UGT1A9: variants seen among roughly 807,000 people sequenced by gnomAD.
UGT1A9 encodes UDP glucuronosyltransferase family 1 member A9.
UGT1A9 carries 35 observed loss-of-function variants against 45.0 expected under a neutral mutation model. That is an observed-to-expected ratio of 0.78 (90% CI 0.59 to 1.03). The LOEUF is 1.03. Among genes scored for constraint, UGT1A9 ranks in the 50% least tolerant of loss-of-function variants. The probability of loss-of-function intolerance (pLI) is 0.00; values close to 1 mark genes in which losing one functional copy is unlikely to be tolerated. For missense variants in UGT1A9, 687 were observed against 666.6 expected (o/e 1.03, Z -0.34); for synonymous variants, 278 against 250.6 (o/e 1.11, Z -1.03).
intron 1 of UGT1A9, chr2:233,747,431 A>C (rs184446696): frequency 1.0e-4 from 161 of 1,608,566 alleles, no homozygotes; most frequent in Middle Eastern, 1.7e-4. Flanking sequence ...AACAAGAGAA[A>C]TTTTTCACCC....
chr2:233,688,543 A>G (rs1256086932), intron 1 of UGT1A9, among the ~76,000 whole-genome samples: 1 of 152,132 alleles, frequency 6.6e-6, no homozygotes, highest in Admixed American at 6.5e-5. Context: ...CTTACATCAC[A>G]TGGTCTCTAA....
At chr2:233,717,980 G>A (rs1360094049) in intron 1 of UGT1A9, 3 of 443,956 alleles carry the variant, frequency 6.8e-6, no homozygotes, top group African/African-American at 6.1e-5. Context: ...TTCAGAAGAG[G>A]AATTCAGACT....
intron 1 of UGT1A9, among the ~76,000 whole-genome samples, chr2:233,697,182 A>G (rs1179820208): frequency 6.6e-6 from 1 of 152,120 alleles, no homozygotes; most frequent in Non-Finnish European, 1.5e-5. Flanking sequence ...TGGTTGGTAG[A>G]ATTCAGCAGT....
At chr2:233,743,483 T>A in intron 1 of UGT1A9, 1 of 1,367,128 alleles carries the variant, frequency 7.3e-7, no homozygotes, top group Non-Finnish European at 9.8e-7. Flanking sequence ...GGAAATTCAC[T>A]GAAGGCAGAG....
chr2:233,742,906 T>G (rs1484146320), intron 1 of UGT1A9: 79 of 166,834 alleles, frequency 4.7e-4, no homozygotes, highest in Non-Finnish European at 5.6e-4. Context: ...AAAAAGGTAA[T>G]GCTCAAAGTG....
intron 1 of UGT1A9, chr2:233,713,679 C>T (rs756343791): frequency 6.2e-7 from 1 of 1,613,972 alleles, no homozygotes; most frequent in Non-Finnish European, 8.5e-7. Flanking sequence ...TGTTTCTGCT[C>T]CTTATGCAAG....
rs1254304358 is a variant in UGT1A9 at position 233,743,239 on chromosome 2, C to G, written c.856-23795C>G. The stretch of plus-strand genomic sequence containing the variant: ...GCTCTTTGCTATTTATTATGAAGGA[C>G]TTTAACTCAACTCTCCATCTTCCTC... On this transcript the variant is annotated intron_variant, in intron 1 of 4. Coordinates refer to ENST00000354728, the MANE Select transcript of UGT1A9 (RefSeq NM_021027.3). The G allele has an allele frequency of 1.4e-5, 6 of 424,156 alleles. No individual in the cohort carries two copies. The East Asian group carries it at 4.3e-4, about 30-fold the overall frequency. 26.3% of individuals were successfully genotyped at this position (424,156 alleles called of 1,614,324 possible).
chr2:233,716,449 C>T (rs2125648185), intron 1 of UGT1A9, among the ~76,000 whole-genome samples: 1 of 152,152 alleles, frequency 6.6e-6, no homozygotes, highest in Admixed American at 6.5e-5. Context: ...TTCATTTGGC[C>T]ATTTAAATTT....
At position 233,714,001 on chromosome 2, in the gene UGT1A9, G is replaced by A. The variant is rs1295021780; in HGVS notation, c.855+41212G>A. 4.5e-6 allele frequency: 7 copies of A among 1,551,344 alleles called. No homozygotes were observed. The African/African-American group carries it at 5.5e-5, about 12-fold the overall frequency. On this transcript the variant is annotated intron_variant, in intron 1 of 4. Coordinates refer to ENST00000354728, the MANE Select transcript of UGT1A9 (RefSeq NM_021027.3). ...TCATTGTTGTAATAGTCTTCAGTGA[G>A]ATAAACTTTTAAAGGGTCAATGGTA...
chr2:233,767,214 T>A (rs1420134896), intron 2 of UGT1A9, 49 bp downstream of exon 2: 25 of 1,612,300 alleles, frequency 1.6e-5, no homozygotes, highest in Non-Finnish European at 2.1e-5. Flanking sequence ...ACAGGAGCGC[T>A]AATCCCAGAC....
rs181518181 is a variant in UGT1A9 at position 233,744,372 on chromosome 2, A to G, written c.856-22662A>G. ...AAGACATCCTGTTGTTTAGGACTGC[A>G]GTTCTCCAACGTTCCAGCCCCGGTG... On this transcript the variant is annotated intron_variant, in intron 1 of 4. Transcript: ENST00000354728. Among the ~76,000 whole-genome samples the G allele has an allele frequency of 2.4e-4, 37 of 152,006 alleles. 1 individual carries two copies. Among genetic ancestry groups the G allele is most frequent in the South Asian group, 4.1e-4 (2 of 4,828 alleles).
At chr2:233,676,103 T>A (rs2074345974) in intron 1 of UGT1A9, among the ~76,000 whole-genome samples, 1 of 152,154 alleles carries the variant, frequency 6.6e-6, no homozygotes. Flanking sequence ...GAAAGAATAG[T>A]CTTTTCAACA....
intron 1 of UGT1A9, among the ~76,000 whole-genome samples, chr2:233,705,160 G>A (rs111652799): frequency 2.0e-5 from 3 of 151,646 alleles, no homozygotes; most frequent in African/African-American, 7.3e-5. Context: ...GAGAGAGAGA[G>A]AGAGAATAAA....
Position 233,676,058 on chromosome 2 carries a change from A to G in UGT1A9, c.855+3269A>G, listed in dbSNP as rs567470117. Among the ~76,000 whole-genome samples the G allele has an allele frequency of 5.9e-5, 9 of 152,344 alleles. No individual in the cohort carries two copies. In the East Asian group the frequency reaches 1.7e-3, roughly 29 times the overall value. The stretch of plus-strand genomic sequence containing the variant: ...ATCCTTGGCCAATTGACTAGGTGCC[A>G]AAGTTTGACAAGTGTGTCAAGATCA... On this transcript the variant is annotated intron_variant, in intron 1 of 4. Coordinates refer to ENST00000354728, the MANE Select transcript of UGT1A9 (RefSeq NM_021027.3).
intron 1 of UGT1A9, among the ~76,000 whole-genome samples, chr2:233,731,635 T>C (rs2078185230): frequency 6.6e-6 from 1 of 152,238 alleles, no homozygotes; most frequent in Non-Finnish European, 1.5e-5. Flanking sequence ...TATGGCTGCA[T>C]AGTATTCCAT....
chr2:233,677,733 T>G (rs2074397979), intron 1 of UGT1A9, among the ~76,000 whole-genome samples: 1 of 152,112 alleles, frequency 6.6e-6, no homozygotes, highest in Non-Finnish European at 1.5e-5. Flanking sequence ...TTGGTGGGAA[T>G]GCAAATTAGT....
chr2:233,770,293 A>G (rs1284543381), intron 4 of UGT1A9: 4 of 152,108 alleles, frequency 2.6e-5, no homozygotes, highest in African/African-American at 9.7e-5. Flanking sequence ...GAAGTGGAAA[A>G]TTTTCAAACA....
chr2:233,727,229 T>C (rs1169442036), intron 1 of UGT1A9, among the ~76,000 whole-genome samples: 2 of 152,184 alleles, frequency 1.3e-5, no homozygotes, highest in African/African-American at 2.4e-5. Flanking sequence ...CATATGCGGA[T>C]GGCTCCAAGT....
chr2:233,693,456 C>G, intron 1 of UGT1A9: 1 of 1,614,120 alleles, frequency 6.2e-7, no homozygotes, highest in Non-Finnish European at 8.5e-7. Flanking sequence ...TTCACAGACC[C>G]AGCCTTACCC....
Sources: gnomAD v4.1 joint callset for allele counts (sites outside exome capture counted in the v4.1 genomes callset) on GRCh38, gnomAD v4.1.1 for gene constraint, MANE v1.5 for transcripts, NCBI Gene and HGNC (gene_info 2026-07-23, HGNC 2026-07-21) for gene names.